CDH18: variants seen among roughly 807,000 people sequenced by gnomAD.
The protein encoded by CDH18 is cadherin 18.
In CDH18, 31 loss-of-function variants were observed where a neutral mutation model predicts 67.9. The ratio of observed to expected loss-of-function variants is 0.46; its 90% confidence interval spans 0.34 to 0.62. CDH18 has a LOEUF of 0.62. Among genes scored for constraint, CDH18 ranks in the 20% least tolerant of loss-of-function variants. The pLI, the probability that CDH18 is intolerant of heterozygous loss-of-function variation, is 0.01. For missense variants in CDH18, 890 were observed against 975.5 expected (o/e 0.91, Z 1.17); for synonymous variants, 362 against 347.2 (o/e 1.04, Z -0.48).
At chr5:20,167,643 T>C (rs1445817898) in intron 2 of CDH18, among the ~76,000 whole-genome samples, 2 of 152,070 alleles carry the variant, frequency 1.3e-5, no homozygotes, top group African/African-American at 4.8e-5. Context: ...AGAGAGTGCA[T>C]TTACAAAGGA....
intron 2 of CDH18, among the ~76,000 whole-genome samples, chr5:20,017,076 G>A (rs556794706): frequency 6.6e-6 from 1 of 151,902 alleles, no homozygotes; most frequent in African/African-American, 2.4e-5. Context: ...GTAAGAAATT[G>A]ATGTGTTCTC....
intron 1 of CDH18, among the ~76,000 whole-genome samples, chr5:20,379,636 A>G (rs1224604154): frequency 6.6e-6 from 1 of 152,156 alleles, no homozygotes; most frequent in African/African-American, 2.4e-5. Context: ...ATATAAGTAT[A>G]TATTTAGAGA....
At chr5:20,005,415 T>TACACACACACACAC (rs3065076) in intron 2 of CDH18, among the ~76,000 whole-genome samples, 1 of 147,100 alleles carries the variant, frequency 6.8e-6, no homozygotes, top group Non-Finnish European at 1.5e-5. Flanking sequence ...TATATATATG[T>TACACACACACACAC]ACACACACAC....
chr5:20,046,719 T>A (rs2150482257), intron 2 of CDH18, among the ~76,000 whole-genome samples: 1 of 150,788 alleles, frequency 6.6e-6, no homozygotes, highest in East Asian at 1.9e-4. Context: ...GATGAGGAAG[T>A]CAACACATGA....
intron 2 of CDH18, among the ~76,000 whole-genome samples, chr5:19,916,574 C>T (rs527934563): frequency 3.9e-5 from 6 of 152,166 alleles, no homozygotes; most frequent in Non-Finnish European, 7.3e-5. Context: ...CTCTCAGCTA[C>T]AGCATAAGAT....
chr5:19,878,988 A>C (rs570650131), intron 2 of CDH18, among the ~76,000 whole-genome samples: 7 of 151,994 alleles, frequency 4.6e-5, no homozygotes, highest in African/African-American at 1.4e-4. Flanking sequence ...AGAATTTTTC[A>C]TTTATTCATG....
At chr5:20,241,542 A>T (rs757437059) in intron 2 of CDH18, among the ~76,000 whole-genome samples, 1 of 152,184 alleles carries the variant, frequency 6.6e-6, no homozygotes, top group East Asian at 1.9e-4. Context: ...TTCAGAGATG[A>T]ATATATATGT....
At chr5:19,911,933 G>C (rs1404138194) in intron 2 of CDH18, among the ~76,000 whole-genome samples, 1 of 152,140 alleles carries the variant, frequency 6.6e-6, no homozygotes, top group Non-Finnish European at 1.5e-5. Flanking sequence ...TGGGTTGGTG[G>C]ATGAGGATAA....
intron 2 of CDH18, among the ~76,000 whole-genome samples, chr5:19,914,683 C>G (rs1791557808): frequency 6.6e-6 from 1 of 151,942 alleles, no homozygotes; most frequent in African/African-American, 2.4e-5. Flanking sequence ...ATAAAAGAAT[C>G]AAATAATCAA....
intron 3 of CDH18, among the ~76,000 whole-genome samples, chr5:19,766,150 A>C (rs1240716480): frequency 6.6e-6 from 1 of 152,308 alleles, no homozygotes; most frequent in East Asian, 1.9e-4. Flanking sequence ...AATTGCTGGG[A>C]TCACAGGCGT....
intron 5 of CDH18, among the ~76,000 whole-genome samples, chr5:19,637,546 T>G (rs887014131): frequency 2.6e-5 from 4 of 152,202 alleles, no homozygotes; most frequent in Non-Finnish European, 4.4e-5. Flanking sequence ...CCAATGATTT[T>G]GGGCTTTATG....
intron 2 of CDH18, among the ~76,000 whole-genome samples, chr5:20,174,218 TTAAG>T (rs1170854145): frequency 6.6e-6 from 1 of 152,194 alleles, no homozygotes; most frequent in Non-Finnish European, 1.5e-5. Context: ...GAATAATTTA[TTAAG>T]TGTTTTAATT....
chr5:20,024,424 C>T lies in CDH18; in HGVS notation c.-517-32410G>A, dbSNP rs188788817. 3.1e-3 allele frequency among the ~76,000 whole-genome samples: 476 copies of T among 152,112 alleles called. 1 individual carries two copies. Among genetic ancestry groups the T allele is most frequent in the Non-Finnish European group, 5.7e-3 (385 of 67,998 alleles). On this transcript the variant is annotated intron_variant, in intron 2 of 14. Transcript: ENST00000507958. Reference sequence around the variant, plus strand: ...CTCCTTTGAGACCTGGTGGAAGTAACGTGAGCTTCAGAAAGGAAGAGGTGA... The same window carrying T: ...CTCCTTTGAGACCTGGTGGAAGTAATGTGAGCTTCAGAAAGGAAGAGGTGA...
intron 1 of CDH18, among the ~76,000 whole-genome samples, chr5:20,515,579 C>T (rs532436373): frequency 1.1e-4 from 16 of 152,008 alleles, no homozygotes; most frequent in Non-Finnish European, 2.2e-4. Flanking sequence ...CAACAATTCC[C>T]ATTTAACAGC....
At chr5:19,887,809 C>T (rs1415604526) in intron 2 of CDH18, among the ~76,000 whole-genome samples, 2 of 151,702 alleles carry the variant, frequency 1.3e-5, no homozygotes, top group African/African-American at 4.8e-5. Flanking sequence ...TGGACTCAAG[C>T]AAGCCTCCTG....
chr5:20,542,490 T>A (rs1444020092), intron 1 of CDH18, among the ~76,000 whole-genome samples: 3 of 151,628 alleles, frequency 2.0e-5, no homozygotes, highest in Non-Finnish European at 4.4e-5. Flanking sequence ...TACAATGCTA[T>A]ATTGTGTGTA....
At chr5:20,509,923 G>A (rs571150333) in intron 1 of CDH18, among the ~76,000 whole-genome samples, 1 of 152,150 alleles carries the variant, frequency 6.6e-6, no homozygotes, top group Non-Finnish European at 1.5e-5. Context: ...GGGATTGCCA[G>A]ATCATATGGT....
intron 1 of CDH18, among the ~76,000 whole-genome samples, chr5:19,981,587 T>C (rs1799043112): frequency 6.6e-6 from 1 of 152,182 alleles, no homozygotes; most frequent in Non-Finnish European, 1.5e-5. Context: ...CACATCCTTA[T>C]GACCTAAGCA....
intron 1 of CDH18, among the ~76,000 whole-genome samples, chr5:20,273,295 C>A (rs1004208702): frequency 6.6e-6 from 1 of 151,734 alleles, no homozygotes; most frequent in Non-Finnish European, 1.5e-5. Context: ...GCCTTGTGTT[C>A]TTGTGGGTTT....
Sources: allele counts gnomAD v4.1 joint callset (sites outside exome capture counted in the v4.1 genomes callset), GRCh38; gene constraint gnomAD v4.1.1; transcripts MANE v1.5; gene names NCBI Gene and HGNC (gene_info 2026-07-23, HGNC 2026-07-21).